INTS2: variants seen among roughly 807,000 people sequenced by gnomAD.
INTS2 encodes the protein KIAA1287.
INTS2 carries 57 observed loss-of-function variants against 139.6 expected under a neutral mutation model. That is an observed-to-expected ratio of 0.41 (90% CI 0.33 to 0.51). The LOEUF (loss-of-function observed/expected upper bound fraction) is 0.51. INTS2 is among the 20% of genes least tolerant of loss of function. The probability of loss-of-function intolerance (pLI) is 0.28; values close to 1 mark genes in which losing one functional copy is unlikely to be tolerated. For synonymous variants in INTS2, 473 were observed against 493.4 expected (o/e 0.96, Z 0.55); for missense variants, 1,196 against 1,436.7 (o/e 0.83, Z 2.71).
chr17:61,924,890 T>C, intron 3 of INTS2, 71 bp downstream of exon 3: 1 of 1,489,630 alleles, frequency 6.7e-7, no homozygotes, highest in Non-Finnish European at 9.2e-7. Flanking sequence ...TCTTGTCTCT[T>C]TTTCTGTCTA....
intron 5 of INTS2, among the ~76,000 whole-genome samples, chr17:61,918,919 T>C (rs2079609719): frequency 6.7e-6 from 1 of 149,142 alleles, no homozygotes; most frequent in Non-Finnish European, 1.5e-5. Flanking sequence ...TCTAGTTCCT[T>C]GGGGTTTTTT....
At chr17:61,922,043 A>T (rs2079647002) in intron 3 of INTS2, among the ~76,000 whole-genome samples, 1 of 152,192 alleles carries the variant, frequency 6.6e-6, no homozygotes, top group Non-Finnish European at 1.5e-5. Context: ...AATCTCAAGA[A>T]CTGATTTCTA....
At position 61,909,552 on chromosome 17, in the gene INTS2, C is replaced by A. The variant is rs2079501450; in HGVS notation, c.955-1918G>T. Reference sequence around the variant, plus strand: ...ATATAGGTAACTTCTCAACCCTCACCCCCTTCCCACCCTCCCAACATTTGG... The same window carrying A: ...ATATAGGTAACTTCTCAACCCTCACACCCTTCCCACCCTCCCAACATTTGG... On this transcript the variant is annotated intron_variant, in intron 7 of 24. Transcript: ENST00000251334. The surrounding 1 kb of genome is among the most constrained non-coding windows in gnomAD (Gnocchi z 4.9). Among the ~76,000 whole-genome samples, 1 of 152,070 alleles carries A rather than the reference C, an allele frequency of 6.6e-6. No homozygotes were observed. The highest frequency in any genetic ancestry group is 6.6e-5 in the Admixed American group (1 of 15,260).
chr17:61,880,788 G>T (rs376824736), intron 17 of INTS2, among the ~76,000 whole-genome samples: 1 of 139,042 alleles, frequency 7.2e-6, no homozygotes, highest in African/African-American at 2.7e-5. Flanking sequence ...GGGGAAAGGG[G>T]GAAAGGAGTA....
chr17:61,891,519 G>C lies in INTS2; in HGVS notation c.1869C>G (p.Val623=). Residue 623 remains valine (V), a synonymous_variant, in exon 14 of 25, where the codon GTC becomes GTG. Coordinates refer to ENST00000251334, the MANE Select transcript of INTS2 (RefSeq NM_001351695.2). The part of the protein sequence containing the change: ...EQEILNIFQG[V]IGGDNIRLNQ... Reference sequence around the variant, plus strand: ...AAAAGAACCACTATTTTACCCCAATGACTCCTTGGAAAATATTGAGTATCT... The same window carrying C: ...AAAAGAACCACTATTTTACCCCAATCACTCCTTGGAAAATATTGAGTATCT... 6.2e-7 allele frequency: 1 copy of C among 1,611,634 alleles called. No homozygotes were observed. Among genetic ancestry groups the C allele is most frequent in the African/African-American group, 1.3e-5 (1 of 74,980 alleles).
chr17:61,889,943 G>A lies in INTS2; in HGVS notation c.1876-49C>T, dbSNP rs781017822. 25 of 1,172,378 alleles carry A rather than the reference G, an allele frequency of 2.1e-5. No homozygotes were observed. The South Asian group carries it at 3.1e-4, about 15-fold the overall frequency. 72.6% of individuals were successfully genotyped at this position (1,172,378 alleles called of 1,614,324 possible). ...CTGAAATACTCTGAATTTCACGAGTGCTTTTTTTTTTCTTGATAGTAAAAG... is the reference window on the plus strand; with the variant it reads ...CTGAAATACTCTGAATTTCACGAGTACTTTTTTTTTTCTTGATAGTAAAAG... On this transcript the variant is annotated intron_variant, in intron 14 of 24. Transcript: ENST00000251334.
chr17:61,903,326 G>C (rs2079428445), intron 9 of INTS2, among the ~76,000 whole-genome samples: 1 of 151,086 alleles, frequency 6.6e-6, no homozygotes, highest in East Asian at 2.0e-4. Context: ...GAGTAGCTGG[G>C]ACTACAGGTG....
intron 8 of INTS2, among the ~76,000 whole-genome samples, chr17:61,907,150 C>T (rs1263392967): frequency 1.3e-5 from 2 of 152,048 alleles, no homozygotes; most frequent in Non-Finnish European, 2.9e-5. Context: ...TTTCTTTAAA[C>T]TGTGATTGGA....
chr17:61,910,833 A>T (rs1485560250), intron 7 of INTS2: 2 of 152,206 alleles, frequency 1.3e-5, no homozygotes, highest in East Asian at 3.9e-4. Context: ...CCCTGGAGAT[A>T]TATGCTTTCA....
chr17:61,873,054 CACG>C lies in INTS2; in HGVS notation c.2583-597_2583-595del, dbSNP rs1315782934. 6.6e-6 allele frequency among the ~76,000 whole-genome samples: 1 copy of C among 152,116 alleles called. No individual in the cohort carries two copies. The highest frequency in any genetic ancestry group is 1.9e-4 in the East Asian group (1 of 5,204). ...CTGAATTAAAAGTCTTGAAAATGAG[CACG>C]ACACTTTTGCCCCAATAATTCCATT... is the stretch of plus-strand genomic sequence containing the variant. On this transcript the variant is annotated intron_variant, in intron 19 of 24. Transcript: ENST00000251334. The surrounding 1 kb of genome is among the most constrained non-coding windows in gnomAD (Gnocchi z 4.0).
chr17:61,912,233 G>C (rs2079533686), intron 5 of INTS2, among the ~76,000 whole-genome samples, 163 bp from the exon 6 acceptor site: 1 of 152,036 alleles, frequency 6.6e-6, no homozygotes, highest in Non-Finnish European at 1.5e-5. Flanking sequence ...AGTAAACTCT[G>C]GGACAATATT....
intron 5 of INTS2, among the ~76,000 whole-genome samples, chr17:61,915,976 C>T (rs1165273665): frequency 6.6e-6 from 1 of 151,978 alleles, no homozygotes; most frequent in Non-Finnish European, 1.5e-5. Context: ...ACATGATTTT[C>T]CACAAAATTA....
chr17:61,904,197 G>C (rs2079437478), intron 9 of INTS2, among the ~76,000 whole-genome samples: 1 of 152,152 alleles, frequency 6.6e-6, no homozygotes. Flanking sequence ...CAGCTACTTG[G>C]GAGGCTGAGT....
chr17:61,899,178 C>T (rs1190702983), intron 9 of INTS2, among the ~76,000 whole-genome samples: 1 of 152,210 alleles, frequency 6.6e-6, no homozygotes, highest in Non-Finnish European at 1.5e-5. Context: ...CTGCTAATTA[C>T]TGGTAGTGTG....
At chr17:61,874,892 T>C in intron 19 of INTS2, 21 bp downstream of exon 19, 2 of 1,540,066 alleles carry the variant, frequency 1.3e-6, no homozygotes, top group South Asian at 1.3e-5. Context: ...ATAATAAAAA[T>C]GAAACTCAAA....
intron 9 of INTS2, among the ~76,000 whole-genome samples, chr17:61,898,396 G>C (rs139827669): frequency 1.9e-3 from 285 of 152,190 alleles, no homozygotes; most frequent in Non-Finnish European, 2.8e-3. Flanking sequence ...CCAAGCTCAA[G>C]TGATCCTCCC....
intron 5 of INTS2, among the ~76,000 whole-genome samples, chr17:61,913,114 CA>C (rs2079544818): frequency 6.6e-6 from 1 of 150,770 alleles, no homozygotes; most frequent in Non-Finnish European, 1.5e-5. Flanking sequence ...AGGATAGGCG[CA>C]TCACCTGAGG....
chr17:61,917,290 T>C (rs570986114), intron 5 of INTS2, among the ~76,000 whole-genome samples: 1 of 152,290 alleles, frequency 6.6e-6, no homozygotes. Flanking sequence ...GCTGGATATA[T>C]ACTCAAAGGA....
chr17:61,880,402 T>C (rs533189026), intron 17 of INTS2, among the ~76,000 whole-genome samples: 1 of 152,150 alleles, frequency 6.6e-6, no homozygotes, highest in Admixed American at 6.5e-5. Flanking sequence ...ACCACCTTTT[T>C]AGTGATATAA....
Sources: allele counts gnomAD v4.1 joint callset (sites outside exome capture counted in the v4.1 genomes callset), GRCh38; gene constraint gnomAD v4.1.1; non-coding constraint Gnocchi (gnomAD v3.1); transcripts MANE v1.5; gene names NCBI Gene and HGNC (gene_info 2026-07-23, HGNC 2026-07-21).